The following LRRC37B variants were observed in gnomAD, a reference collection of about 807,000 sequenced individuals.
The protein encoded by LRRC37B is leucine rich repeat containing 37B.
In LRRC37B, 28 loss-of-function variants were observed where a neutral mutation model predicts 98.3. The observed-to-expected ratio is 0.28, with a 90% CI of 0.21 to 0.39. LRRC37B has a LOEUF of 0.39. Among genes scored for constraint, LRRC37B ranks in the 10% least tolerant of loss-of-function variants. LRRC37B has a pLI of 1.00. For synonymous variants in LRRC37B, 364 were observed against 442.7 expected, an observed-to-expected ratio of 0.82 and a Z score of 2.23; for missense variants, 938 against 1,182.7, an observed-to-expected ratio of 0.79 and a Z score of 3.03.
intron 7 of LRRC37B, chr17:32,040,744 A>C (rs1911401830): frequency 1.3e-6 from 1 of 799,624 alleles, no homozygotes; most frequent in Non-Finnish European, 2.3e-6. Flanking sequence ...CTGGGCAACG[A>C]GTCCAACTTC....
chr17:32,009,813 T>G (rs1013996125), intron 1 of LRRC37B, among the ~76,000 whole-genome samples: 1 of 151,824 alleles, frequency 6.6e-6, no homozygotes, highest in African/African-American at 2.4e-5. Flanking sequence ...GTGTGGCTAA[T>G]TTTTGTATTT....
chr17:32,042,028 C>G, intron 7 of LRRC37B: 1 of 351,490 alleles, frequency 2.8e-6, no homozygotes, highest in Non-Finnish European at 5.7e-6. Flanking sequence ...GGCGATGAAC[C>G]CTAGCCCCAC....
At chr17:32,017,755 G>A (rs554655368), upstream of LRRC37B, among the ~76,000 whole-genome samples, 3 of 152,214 alleles carry the variant, frequency 2.0e-5, no homozygotes, top group South Asian at 6.2e-4. Context: ...TAGTGCCACT[G>A]CACTTCAGCC....
chr17:32,043,058 G>A (rs1220875337), intron 7 of LRRC37B, among the ~76,000 whole-genome samples: 5 of 151,972 alleles, frequency 3.3e-5, no homozygotes, highest in African/African-American at 1.2e-4. Flanking sequence ...TAATGGTGAA[G>A]GGTCATTATG....
chr17:32,013,710 A>ATG (rs141872427), intron 1 of LRRC37B, among the ~76,000 whole-genome samples: 5,484 of 148,130 alleles, frequency 0.037, 105 homozygotes, highest in Non-Finnish European at 0.043. Context: ...ATAATTGTAT[A>ATG]TGTGTGTGTG....
upstream of LRRC37B, among the ~76,000 whole-genome samples, chr17:32,018,241 C>T (rs558932484): frequency 1.7e-4 from 26 of 152,182 alleles, no homozygotes; most frequent in African/African-American, 5.5e-4. Context: ...GCAGGAGAAT[C>T]GCTTGAACCA....
At chr17:32,022,017 C>T in exon 1 of LRRC37B, 1 of 1,614,022 alleles carries the variant, frequency 6.2e-7, no homozygotes, top group Non-Finnish European at 8.5e-7. Flanking sequence ...GCTTCTACAG[C>T]TCCCTCAGGA....
chr17:32,040,196 T>G (rs1270238483), intron 7 of LRRC37B: 1 of 170,968 alleles, frequency 5.8e-6, no homozygotes, highest in Non-Finnish European at 1.3e-5. Context: ...TATTCTCAAG[T>G]AAGGATAATG....
chr17:32,046,556 A>T (rs1438705535), intron 8 of LRRC37B, among the ~76,000 whole-genome samples: 1 of 151,672 alleles, frequency 6.6e-6, no homozygotes, highest in Non-Finnish European at 1.5e-5. Context: ...GGCTACTTCT[A>T]TAAAGACAGT....
exon 1 of LRRC37B, chr17:32,021,158 G>A (rs1441819122): frequency 1.2e-6 from 2 of 1,613,842 alleles, no homozygotes; most frequent in Non-Finnish European, 1.7e-6. Context: ...TGTCTTGGCT[G>A]CGTTTCTGGG....
chr17:32,018,771 G>A (rs570561837), upstream of LRRC37B, among the ~76,000 whole-genome samples: 85 of 152,160 alleles, frequency 5.6e-4, no homozygotes, highest in African/African-American at 1.7e-3. Flanking sequence ...ATTATCTCCC[G>A]TATACCTTGG....
chr17:32,037,070 TC>T (rs1293594574), intron 7 of LRRC37B, among the ~76,000 whole-genome samples: 1 of 130,650 alleles, frequency 7.7e-6, no homozygotes, highest in Non-Finnish European at 1.6e-5. Flanking sequence ...CACTGCAACC[TC>T]TACCTCCTGA....
rs578016251 is a variant in LRRC37B at position 32,035,142 on chromosome 17, G to A, written c.2129+161G>A. On this transcript the variant is annotated intron_variant, in intron 6 of 11. Coordinates refer to ENST00000327564, the Ensembl canonical transcript of LRRC37B. ...GCAAAGAAAAGGATTAAGAAAGGAT[G>A]TATAATGGTCAAGACAGCCAGCGGG... 2.6e-5 allele frequency among the ~76,000 whole-genome samples: 4 copies of A among 152,282 alleles called. No individual in the cohort carries two copies. In the East Asian group the frequency reaches 7.7e-4, roughly 29 times the overall value.
chr17:32,018,330 AAAAC>A (rs576017906), upstream of LRRC37B, among the ~76,000 whole-genome samples: 52 of 152,308 alleles, frequency 3.4e-4, no homozygotes, highest in African/African-American at 1.2e-3. Flanking sequence ...TCCATCTCAA[AAAAC>A]AAACAAAACA....
At position 32,034,901 on chromosome 17, in the gene LRRC37B, AT is replaced by A; in HGVS notation, c.2058-4del. 6.2e-7 allele frequency: 1 copy of A among 1,605,934 alleles called. No homozygotes were observed. Among genetic ancestry groups the A allele is most frequent in the Non-Finnish European group, 8.5e-7 (1 of 1,173,926 alleles). On this transcript the variant is annotated splice_region_variant and splice_polypyrimidine_tract_variant and intron_variant, in intron 5 of 11. Coordinates refer to ENST00000327564, the Ensembl canonical transcript of LRRC37B. ...ATGCAGGTAATTTTAATTTCATTGCATTTTTCAGAATTCTCAATCGCAATCC... is the reference window on the plus strand; with the variant it reads ...ATGCAGGTAATTTTAATTTCATTGCATTTTCAGAATTCTCAATCGCAATCC...
chr17:32,035,134 G>C (rs937889666), intron 6 of LRRC37B, among the ~76,000 whole-genome samples, 153 bp downstream of exon 9: 1 of 152,170 alleles, frequency 6.6e-6, no homozygotes, highest in African/African-American at 2.4e-5. Flanking sequence ...AAAGGATTAA[G>C]AAAGGATGTA....
chr17:32,051,464 G>C (rs1318756851), intron 11 of LRRC37B: 1 of 146,640 alleles, frequency 6.8e-6, no homozygotes, highest in Non-Finnish European at 1.5e-5. Context: ...CTGGGGGACA[G>C]AGCGAGACTC....
intron 7 of LRRC37B, chr17:32,041,494 G>T (rs769013053): frequency 9.7e-6 from 6 of 616,286 alleles, no homozygotes; most frequent in South Asian, 7.2e-5. Flanking sequence ...TTCCTGCTCA[G>T]CTACATGGAC....
intron 1 of LRRC37B, among the ~76,000 whole-genome samples, chr17:32,023,204 C>T (rs797020031): frequency 6.6e-6 from 1 of 151,528 alleles, no homozygotes; most frequent in Non-Finnish European, 1.5e-5. Context: ...TCACCGCAAC[C>T]TCCGTCTCCC....
Sources: gnomAD v4.1 joint callset for allele counts (sites outside exome capture counted in the v4.1 genomes callset) on GRCh38, gnomAD v4.1.1 for gene constraint, MANE v1.5 for transcripts, NCBI Gene and HGNC (gene_info 2026-07-23, HGNC 2026-07-21) for gene names.